ZBTB16: variants seen among roughly 807,000 people sequenced by gnomAD.
ZBTB16 encodes zinc finger and BTB domain-containing protein 16.
ZBTB16 carries 8 observed loss-of-function variants against 56.8 expected under a neutral mutation model. The ratio of observed to expected loss-of-function variants is 0.14; its 90% confidence interval spans 0.08 to 0.25. The LOEUF is 0.25. Among genes scored for constraint, ZBTB16 ranks in the 10% least tolerant of loss-of-function variants. ZBTB16 has a pLI of 1.00. For synonymous variants in ZBTB16, 363 were observed against 368.5 expected (o/e 0.98, Z 0.17); for missense variants, 625 against 903.0 (o/e 0.69, Z 3.95).
At chr11:114,165,824 C>T (rs1302133206) in intron 3 of ZBTB16, among the ~76,000 whole-genome samples, 1 of 152,184 alleles carries the variant, frequency 6.6e-6, no homozygotes, top group African/African-American at 2.4e-5. Context: ...AGGGTGTCAT[C>T]TGCCCAGCTC....
chr11:114,228,701 A>G (rs1220471625), intron 4 of ZBTB16, among the ~76,000 whole-genome samples: 1 of 152,154 alleles, frequency 6.6e-6, no homozygotes. Flanking sequence ...CCAAGGGGAA[A>G]AGGTGCCCCC....
chr11:114,254,563 G>A lies in ZBTB16; in HGVS notation c.*4008G>A, dbSNP rs922891405. ...CGACTCTGTCCATGACGGCTGGCAG[G>A]GTCAGGGTAGTTTCTGGGCCTGCTT... On this transcript the variant is annotated 3_prime_UTR_variant, in exon 7 of 7. Transcript: ENST00000335953. 6.6e-6 allele frequency among the ~76,000 whole-genome samples: 1 copy of A among 152,174 alleles called. No homozygotes were observed. Among genetic ancestry groups the A allele is most frequent in the Admixed American group, 6.5e-5 (1 of 15,276 alleles).
chr11:114,218,108 C>T (rs1944148552), intron 4 of ZBTB16, among the ~76,000 whole-genome samples: 1 of 84,236 alleles, frequency 1.2e-5, no homozygotes, highest in African/African-American at 3.2e-5. Context: ...GCAGATCCAC[C>T]CTCTTGCTTC....
intron 2 of ZBTB16, among the ~76,000 whole-genome samples, chr11:114,097,636 C>T (rs897280309): frequency 6.6e-6 from 1 of 152,124 alleles, no homozygotes; most frequent in East Asian, 1.9e-4. Flanking sequence ...ATCAGTCTAG[C>T]GTTGCCCTTT....
At position 114,250,760 on chromosome 11, in the gene ZBTB16, A is replaced by G. The variant is rs1591816909; in HGVS notation, c.*205A>G. ...CACTGCCCCTCCTCTGGGGGCCTCC[A>G]CCCTCCTCTCCCGGCTGGAGGTTTG... On this transcript the variant is annotated 3_prime_UTR_variant, in exon 7 of 7. Transcript: ENST00000335953. This position sits in a 1 kb window ranked among gnomAD's most constrained non-coding sequence, Gnocchi z 6.0. 1 of 609,964 alleles carries G rather than the reference A, an allele frequency of 1.6e-6. No individual in the cohort carries two copies. Among genetic ancestry groups the G allele is most frequent in the East Asian group, 2.8e-5 (1 of 35,726 alleles). The allele number at this position is 609,964 out of a possible 1,614,324, so 37.8% of individuals were successfully genotyped here. A position where few individuals can be genotyped will look rare whatever the true frequency, so the allele number is the denominator to read the frequency against.
Position 114,091,906 on chromosome 11 carries a change from T to C in ZBTB16, c.1268+27338T>C, listed in dbSNP as rs932632959. On this transcript the variant is annotated intron_variant, in intron 2 of 6. Transcript: ENST00000335953. The stretch of plus-strand genomic sequence containing the variant: ...GCAACCATTTAAACAAGTGCTTTGA[T>C]GCTTACGAGTCATTGGAATGACCAG... Among the ~76,000 whole-genome samples the C allele has an allele frequency of 6.6e-5, 10 of 152,332 alleles. No homozygotes were observed. In the East Asian group the frequency reaches 1.2e-3, roughly 18 times the overall value.
rs140075868 is a variant in ZBTB16, at chr11:114,168,381, T to C, written c.1366+11947T>C. Among the ~76,000 whole-genome samples the C allele has an allele frequency of 1.4e-4, 21 of 152,232 alleles. No individual in the cohort carries two copies. In the East Asian group the frequency reaches 4.1e-3, roughly 30 times the overall value. On this transcript the variant is annotated intron_variant, in intron 3 of 6. Transcript: ENST00000335953. ...GGACACATAGCAGGCTCTCAGGAAA[T>C]ATCTGTTGAAGAAGTGAAGGGCTCA...
intron 3 of ZBTB16, among the ~76,000 whole-genome samples, chr11:114,164,413 G>A (rs1375471781): frequency 2.0e-5 from 3 of 152,094 alleles, no homozygotes; most frequent in Non-Finnish European, 4.4e-5. Context: ...ATGGATGCTG[G>A]GACATCTGTC....
intron 2 of ZBTB16, among the ~76,000 whole-genome samples, chr11:114,095,535 C>T (rs1248940095): frequency 2.0e-5 from 3 of 152,192 alleles, no homozygotes; most frequent in African/African-American, 4.8e-5. Flanking sequence ...GCTGGGATTA[C>T]AGGCGTGAGC....
At chr11:114,148,497 T>TTCTC (rs1942199060) in intron 2 of ZBTB16, among the ~76,000 whole-genome samples, 1 of 143,504 alleles carries the variant, frequency 7.0e-6, no homozygotes, top group Non-Finnish European at 1.5e-5. Flanking sequence ...CTTTCTTTCT[T>TTCTC]CTTTCTTCCT....
chr11:114,132,675 G>A (rs749887506), intron 2 of ZBTB16, among the ~76,000 whole-genome samples: 4 of 152,156 alleles, frequency 2.6e-5, no homozygotes, highest in African/African-American at 7.2e-5. Flanking sequence ...GTTAAGCAAC[G>A]GCAATACCAT....
At chr11:114,230,951 T>C (rs1460029452) in intron 4 of ZBTB16, among the ~76,000 whole-genome samples, 1 of 151,954 alleles carries the variant, frequency 6.6e-6, no homozygotes, top group Non-Finnish European at 1.5e-5. Flanking sequence ...CTGGAATACA[T>C]TGGGGTTTAC....
chr11:114,174,677 T>C (rs1461285039), intron 3 of ZBTB16, among the ~76,000 whole-genome samples: 1 of 152,260 alleles, frequency 6.6e-6, no homozygotes. Context: ...TAAAGCCTTT[T>C]AGAAGGCTCC....
intron 2 of ZBTB16, among the ~76,000 whole-genome samples, chr11:114,098,457 A>G (rs1940495727): frequency 6.6e-6 from 1 of 152,066 alleles, no homozygotes; most frequent in South Asian, 2.1e-4. Flanking sequence ...CACTTAATGT[A>G]ACTATACATT....
intron 4 of ZBTB16, among the ~76,000 whole-genome samples, chr11:114,219,806 G>T (rs759623928): frequency 6.6e-6 from 1 of 152,174 alleles, no homozygotes; most frequent in Non-Finnish European, 1.5e-5. Flanking sequence ...TATTAGGCCT[G>T]AGTTGCCTTG....
Position 114,170,625 on chromosome 11 carries a change from G to GA in ZBTB16, c.1366+14203dup, listed in dbSNP as rs11336310. The stretch of plus-strand genomic sequence containing the variant: ...TTCTTTCACTTGCCTGGGACAAGGG[G>GA]AAAAAAAAAAAAGCAAATTCTAAAG... On this transcript the variant is annotated intron_variant, in intron 3 of 6. Transcript: ENST00000335953. Among the ~76,000 whole-genome samples the GA allele has an allele frequency of 9.2e-3, 1,322 of 143,052 alleles. 21 individuals carry two copies. Among genetic ancestry groups the GA allele is most frequent in the African/African-American group, 0.031 (1,196 of 38,934 alleles). The allele number at this position is 143,052 out of a possible 152,430, so 93.8% of individuals were successfully genotyped here. A position where few individuals can be genotyped will look rare whatever the true frequency, so the allele number is the denominator to read the frequency against.
At chr11:114,157,153 A>C in intron 3 of ZBTB16, among the ~76,000 whole-genome samples, 1 of 151,848 alleles carries the variant, frequency 6.6e-6, no homozygotes, top group Non-Finnish European at 1.5e-5. Flanking sequence ...GGGAGAGGAG[A>C]GGGCTGTTGT....
rs180937924 is a variant in ZBTB16, at chr11:114,170,431, C to T, written c.1366+13997C>T. Among the ~76,000 whole-genome samples the T allele has an allele frequency of 4.6e-5, 7 of 152,310 alleles. No individual in the cohort carries two copies. The East Asian group carries it at 9.7e-4, about 21-fold the overall frequency. On this transcript the variant is annotated intron_variant, in intron 3 of 6. Coordinates refer to ENST00000335953, the MANE Select transcript of ZBTB16 (RefSeq NM_006006.6). ...TAGTGAAGACTGAGCTTGTTCACCG[C>T]GTAGATGGAAGCCAGTGGGAGAGAG...
chr11:114,231,993 C>T (rs1389944338), intron 4 of ZBTB16, among the ~76,000 whole-genome samples: 1 of 152,120 alleles, frequency 6.6e-6, no homozygotes, highest in East Asian at 1.9e-4. Flanking sequence ...GACTTGAGGC[C>T]AGGTTTTGTA....
Sources: gnomAD v4.1 joint callset for allele counts (sites outside exome capture counted in the v4.1 genomes callset) on GRCh38, gnomAD v4.1.1 for gene constraint, Gnocchi (gnomAD v3.1) non-coding constraint, MANE v1.5 for transcripts, NCBI Gene and HGNC (gene_info 2026-07-23, HGNC 2026-07-21) for gene names.